MICAL3: variants seen among roughly 807,000 people sequenced by gnomAD.
The protein encoded by MICAL3 is microtubule associated monooxygenase, calponin and LIM domain containing 3.
A neutral mutation model predicts 207.4 loss-of-function variants in MICAL3; 62 were observed. The ratio of observed to expected loss-of-function variants is 0.30; its 90% CI spans 0.24 to 0.37. The LOEUF is 0.37. Among genes scored for constraint, MICAL3 ranks in the 10% least tolerant of loss-of-function variants. MICAL3 has a pLI of 1.00. For synonymous variants in MICAL3, 1,077 were observed against 1,069.3 expected (o/e 1.01, Z -0.14); for missense variants, 2,368 against 2,635.6 (o/e 0.90, Z 2.22).
chr22:17,822,016 A>G lies in MICAL3; in HGVS notation c.3448+14T>C. The stretch of plus-strand genomic sequence containing the variant: ...AATTCTGAAAGTTGTTTCTCCCATC[A>G]AAGACAGGCTCACCTCTCTCTTGGT... On this transcript the variant is annotated intron_variant, in intron 24 of 31. Coordinates refer to ENST00000441493, the MANE Select transcript of MICAL3 (RefSeq NM_015241.3). 6.2e-7 allele frequency: 1 copy of G among 1,612,748 alleles called. No homozygotes were observed. The highest frequency in any genetic ancestry group is 8.5e-7 in the Non-Finnish European group (1 of 1,179,410).
At chr22:17,967,666 G>C (rs1378845528) in intron 1 of MICAL3, among the ~76,000 whole-genome samples, 2 of 152,176 alleles carry the variant, frequency 1.3e-5, no homozygotes. Context: ...CCAGCACTTT[G>C]GGAGGCCAAG....
At chr22:17,998,119 C>A (rs965414250) in intron 1 of MICAL3, among the ~76,000 whole-genome samples, 1 of 151,964 alleles carries the variant, frequency 6.6e-6, no homozygotes, top group Non-Finnish European at 1.5e-5. Flanking sequence ...CTGACCAACA[C>A]GGTGAAACCC....
At chr22:17,990,504 T>C (rs1446906125) in intron 1 of MICAL3, among the ~76,000 whole-genome samples, 1 of 152,062 alleles carries the variant, frequency 6.6e-6, no homozygotes, top group East Asian at 1.9e-4. Flanking sequence ...CCATACAAGG[T>C]GAGTAGGACT....
At chr22:17,966,525 G>A (rs1220909754) in intron 1 of MICAL3, among the ~76,000 whole-genome samples, 1 of 152,134 alleles carries the variant, frequency 6.6e-6, no homozygotes, top group Non-Finnish European at 1.5e-5. Context: ...AATTCCTCAG[G>A]GGAAGAACCA....
At chr22:18,012,338 G>A (rs1384716639) in intron 1 of MICAL3, among the ~76,000 whole-genome samples, 1 of 152,224 alleles carries the variant, frequency 6.6e-6, no homozygotes, top group African/African-American at 2.4e-5. Flanking sequence ...CTGGCAGCTG[G>A]CAGTCATCAG....
chr22:17,956,176 G>T (rs1292918793), intron 1 of MICAL3, among the ~76,000 whole-genome samples: 2 of 152,192 alleles, frequency 1.3e-5, no homozygotes, highest in Non-Finnish European at 2.9e-5. Context: ...CATGTTCAAG[G>T]GTGCTGCATG....
At position 17,791,090 on chromosome 22, in the gene MICAL3, A is replaced by G. The variant is rs1446821389; in HGVS notation, c.5751-19T>C. ...CCGGGCACTGAGGAGGCAGGGCAGG[A>G]GGGAGACAAGCCACAGTGACTGGGG... On this transcript the variant is annotated intron_variant, in intron 30 of 31. Coordinates refer to ENST00000441493, the MANE Select transcript of MICAL3 (RefSeq NM_015241.3). 25 of 1,609,542 alleles carry G rather than the reference A, an allele frequency of 1.6e-5. No homozygotes were observed. The highest frequency in any genetic ancestry group is 2.0e-5 in the Non-Finnish European group (24 of 1,178,754).
At position 17,847,778 on chromosome 22, in the gene MICAL3, C is replaced by A. The variant is rs111685491; in HGVS notation, c.2606-5761G>T. Among the ~76,000 whole-genome samples, 379 of 152,322 alleles carry A rather than the reference C, an allele frequency of 2.5e-3. 1 individual carries two copies. The highest frequency in any genetic ancestry group is 3.8e-3 in the Non-Finnish European group (256 of 68,026). ...TTTACCAGGCGGTACTGGGTATTTT[C>A]GCTGTGACTCTGAAGAAAGATCAAC... On this transcript the variant is annotated intron_variant, in intron 19 of 31. Transcript: ENST00000441493.
chr22:18,000,242 A>AG (rs752634942), intron 1 of MICAL3, among the ~76,000 whole-genome samples: 5 of 94,510 alleles, frequency 5.3e-5, no homozygotes, highest in East Asian at 6.5e-4. Context: ...AAACAAGCTT[A>AG]GGGGGAAAAA....
chr22:17,864,927 G>A lies in MICAL3; in HGVS notation c.2577C>T (p.Ala859=), dbSNP rs779230828. ...GGGTTCTCTCAGTGGAGCTGGCCAC[G>A]GCGTTGGCCCGTCCGTTTGCATCTG... The part of the protein sequence containing the change: ...ATTDANGRAN[A]VASSTERTPG... Residue 859 remains alanine, a synonymous_variant, in exon 19 of 32, where the codon GCC becomes GCT. Coordinates refer to ENST00000441493, the MANE Select transcript of MICAL3 (RefSeq NM_015241.3). 95 of 1,613,680 alleles carry A rather than the reference G, an allele frequency of 5.9e-5. No individual in the cohort carries two copies. The highest frequency in any genetic ancestry group is 7.5e-5 in the Non-Finnish European group (88 of 1,179,840).
Position 17,818,545 on chromosome 22 carries a change from G to A in MICAL3, c.4116C>T (p.Pro1372=), listed in dbSNP as rs920594934. The A allele has an allele frequency of 6.2e-7, 1 of 1,613,590 alleles. No individual in the cohort carries two copies. The highest frequency in any genetic ancestry group is 8.5e-7 in the Non-Finnish European group (1 of 1,179,878). Residue 1372 remains proline (P), a synonymous_variant, in exon 26 of 32, where the codon CCC becomes CCT. Transcript: ENST00000441493. The part of the protein sequence containing the change: ...SLKSYSVEKS[P]QDEGLHLLKP... ...TGAGAAGGTGGAGTCCCTCATCCTG[G>A]GGGGACTTTTCAACGGAATAGGATT... is the stretch of plus-strand genomic sequence containing the variant.
chr22:17,901,656 C>T (rs919016546), intron 5 of MICAL3, among the ~76,000 whole-genome samples: 8 of 151,978 alleles, frequency 5.3e-5, no homozygotes, highest in Admixed American at 2.0e-4. Context: ...GGCAAAAGAA[C>T]GAGACCCTGT....
intron 16 of MICAL3, among the ~76,000 whole-genome samples, chr22:17,877,710 G>C (rs1164551882): frequency 2.0e-5 from 3 of 152,044 alleles, no homozygotes; most frequent in Non-Finnish European, 2.9e-5. Flanking sequence ...GAGGGAAAAA[G>C]AGAGAAACAT....
chr22:17,886,164 G>A, intron 15 of MICAL3, 113 bp from the exon 16 acceptor site: 2 of 1,127,772 alleles, frequency 1.8e-6, no homozygotes, highest in Middle Eastern at 2.9e-4. Flanking sequence ...GACTGGCTCA[G>A]CTCTCAAGGT....
At chr22:17,910,758 C>T (rs554563621) in intron 1 of MICAL3, among the ~76,000 whole-genome samples, 2 of 152,182 alleles carry the variant, frequency 1.3e-5, no homozygotes, top group Non-Finnish European at 2.9e-5. Context: ...GGGGCTTACC[C>T]GGCATTCTCC....
At chr22:17,945,291 G>A (rs1049453519) in intron 1 of MICAL3, among the ~76,000 whole-genome samples, 17 of 152,062 alleles carry the variant, frequency 1.1e-4, no homozygotes, top group Non-Finnish European at 1.8e-4. Context: ...GAGGGCCTGC[G>A]TCTCCTTCAC....
At chr22:17,860,019 T>A (rs537779583) in intron 19 of MICAL3, 1 of 195,620 alleles carries the variant, frequency 5.1e-6, no homozygotes, top group East Asian at 1.9e-4. Flanking sequence ...ACTTTGCACC[T>A]CTGCTGTCTT....
intron 15 of MICAL3, 123 bp from the exon 16 acceptor site, chr22:17,886,174 T>A: frequency 9.9e-7 from 1 of 1,010,648 alleles, no homozygotes; most frequent in South Asian, 1.5e-5. Flanking sequence ...GCTCTCAAGG[T>A]TCCCGTGTCC....
chr22:17,793,356 C>T lies in MICAL3; in HGVS notation c.5651-2055G>A, dbSNP rs895635832. On this transcript the variant is annotated intron_variant, in intron 29 of 31. Transcript: ENST00000441493. The surrounding 1 kb of genome is among the most constrained non-coding windows in gnomAD (Gnocchi z 4.1). Reference sequence around the variant, plus strand: ...TGGTGTAGATCAGTCTTTGTAAGGACAGTATTCCTTGACTCTCCCATCCAA... The same window carrying T: ...TGGTGTAGATCAGTCTTTGTAAGGATAGTATTCCTTGACTCTCCCATCCAA... Among the ~76,000 whole-genome samples the T allele has an allele frequency of 6.8e-6, 1 of 147,292 alleles. No homozygotes were observed. Among genetic ancestry groups the T allele is most frequent in the Admixed American group, 6.8e-5 (1 of 14,750 alleles).
Sources: allele counts gnomAD v4.1 joint callset (sites outside exome capture counted in the v4.1 genomes callset), GRCh38; gene constraint gnomAD v4.1.1; non-coding constraint Gnocchi (gnomAD v3.1); transcripts MANE v1.5; gene names NCBI Gene and HGNC (gene_info 2026-07-23, HGNC 2026-07-21).